ELP4: variants seen among roughly 807,000 people sequenced by gnomAD.
ELP4 encodes elongator acetyltransferase complex subunit 4.
ELP4 carries 51 observed loss-of-function variants against 48.9 expected under a neutral mutation model. The observed-to-expected ratio is 1.04, with a 90% CI of 0.83 to 1.32. The LOEUF (loss-of-function observed/expected upper bound fraction) is 1.32, where lower values mean the gene tolerates loss of function less well. ELP4 is among the 40% of genes most tolerant of loss of function. The probability of loss-of-function intolerance (pLI) is 0.00; values close to 1 mark genes in which losing one functional copy is unlikely to be tolerated. For synonymous variants in ELP4, 210 were observed against 189.2 expected (o/e 1.11, Z -0.90); for missense variants, 519 against 514.6 (o/e 1.01, Z -0.08).
chr11:31,771,253 G>A (rs1281671146), intron 9 of ELP4, among the ~76,000 whole-genome samples: 1 of 152,316 alleles, frequency 6.6e-6, no homozygotes, highest in East Asian at 1.9e-4. Context: ...TGTTTCTTCA[G>A]AATCAGAAGA....
chr11:31,694,223 A>G (rs546430944), intron 9 of ELP4, among the ~76,000 whole-genome samples: 13 of 152,320 alleles, frequency 8.5e-5, no homozygotes, highest in Admixed American at 2.6e-4. Flanking sequence ...TGTTTTAGAC[A>G]TGAAGTCCTT....
intron 9 of ELP4, among the ~76,000 whole-genome samples, chr11:31,702,744 G>C (rs1946552626): frequency 1.3e-5 from 2 of 152,014 alleles, no homozygotes; most frequent in Non-Finnish European, 2.9e-5. Flanking sequence ...AAAAATCTCT[G>C]AAAGTTTTTT....
intron 5 of ELP4, 128 bp from the exon 6 acceptor site, chr11:31,626,979 ACTG>A: frequency 1.8e-6 from 1 of 555,372 alleles, no homozygotes; most frequent in Admixed American, 3.0e-5. Flanking sequence ...ATTATATAAT[ACTG>A]TTTTGACATT....
intron 9 of ELP4, among the ~76,000 whole-genome samples, chr11:31,724,628 GTCTT>G (rs1947036935): frequency 6.6e-6 from 1 of 152,210 alleles, no homozygotes; most frequent in Non-Finnish European, 1.5e-5. Context: ...TTCTTCCACA[GTCTT>G]TCTTTCACTC....
chr11:31,710,471 A>C (rs1946717100), intron 9 of ELP4, among the ~76,000 whole-genome samples: 3 of 152,146 alleles, frequency 2.0e-5, no homozygotes, highest in Admixed American at 1.3e-4. Context: ...CTAAAAATAC[A>C]AAAATCAGCC....
At chr11:31,595,101 AT>A (rs1218490886) in intron 4 of ELP4, among the ~76,000 whole-genome samples, 200 bp downstream of exon 4, 1 of 152,118 alleles carries the variant, frequency 6.6e-6, no homozygotes, top group Non-Finnish European at 1.5e-5. Flanking sequence ...AGGTTGTTTC[AT>A]TTCTTCCATA....
intron 9 of ELP4, among the ~76,000 whole-genome samples, chr11:31,685,370 A>G (rs1382352355): frequency 6.6e-6 from 1 of 151,982 alleles, no homozygotes; most frequent in Non-Finnish European, 1.5e-5. Flanking sequence ...CAACAACAAA[A>G]TAGCAAAGGA....
intron 4 of ELP4, among the ~76,000 whole-genome samples, chr11:31,602,340 T>G (rs1434625459): frequency 1.3e-5 from 2 of 152,004 alleles, no homozygotes. Context: ...TTTTTAAGTT[T>G]GTACCCTATT....
At chr11:31,693,057 G>A (rs1444743205) in intron 9 of ELP4, among the ~76,000 whole-genome samples, 2 of 152,042 alleles carry the variant, frequency 1.3e-5, no homozygotes, top group African/African-American at 2.4e-5. Context: ...CACATGGCTC[G>A]TGCCCCATGT....
intron 9 of ELP4, among the ~76,000 whole-genome samples, chr11:31,667,954 T>C (rs1369069312): frequency 6.6e-6 from 1 of 152,202 alleles, no homozygotes; most frequent in African/African-American, 2.4e-5. Context: ...TTTTTTATTA[T>C]AGGGTGCATC....
At chr11:31,604,316 G>A (rs1232185) in intron 5 of ELP4, among the ~76,000 whole-genome samples, 37,706 of 151,046 alleles carry the variant, frequency 0.25, 5,226 homozygotes, top group Non-Finnish European at 0.32. Flanking sequence ...TTAATTTTTT[G>A]GCATATACTT....
intron 9 of ELP4, chr11:31,780,590 G>A (rs530325790): frequency 3.9e-4 from 59 of 152,248 alleles, no homozygotes; most frequent in African/African-American, 1.4e-3. Context: ...AGTCTCACAC[G>A]AATGATATTT....
chr11:31,788,589 T>C lies in ELP4; in HGVS notation c.*5065T>C, dbSNP rs908908131. 1.4e-5 allele frequency: 3 copies of C among 222,136 alleles called. No individual in the cohort carries two copies. The highest frequency in any genetic ancestry group is 4.5e-5 in the African/African-American group (2 of 44,732). 13.8% of individuals were successfully genotyped at this position (222,136 alleles called of 1,614,324 possible). A position where few individuals can be genotyped will look rare whatever the true frequency, so the allele number is the denominator to read the frequency against. On this transcript the variant is annotated 3_prime_UTR_variant, in exon 10 of 10. Transcript: ENST00000640961. ...GGCTGACAATGGAAATCTGCCCAGA[T>C]TGAAAATGCCAGTCCTAATTCAAAA...
At chr11:31,533,172 GT>G (rs1001680684) in intron 2 of ELP4, among the ~76,000 whole-genome samples, 5 of 151,978 alleles carry the variant, frequency 3.3e-5, no homozygotes, top group African/African-American at 1.2e-4. Context: ...CCAATAGGTA[GT>G]TTTTAAACCT....
At chr11:31,635,073 A>G (rs976991801) in intron 7 of ELP4, among the ~76,000 whole-genome samples, 1 of 151,994 alleles carries the variant, frequency 6.6e-6, no homozygotes, top group Non-Finnish European at 1.5e-5. Context: ...TTGTTTTTAT[A>G]TGAAAATGTT....
At chr11:31,743,097 A>G (rs1056255682) in intron 9 of ELP4, among the ~76,000 whole-genome samples, 24 of 152,212 alleles carry the variant, frequency 1.6e-4, no homozygotes, top group African/African-American at 5.3e-4. Context: ...CAGGGGTTGC[A>G]ATCCTACTCT....
At position 31,594,894 on chromosome 11, in the gene ELP4, A is replaced by G; in HGVS notation, c.506A>G (p.Lys169Arg). The G allele has an allele frequency of 5.1e-6, 8 of 1,554,036 alleles. No homozygotes were observed. The highest frequency in any genetic ancestry group is 6.9e-6 in the Non-Finnish European group (8 of 1,160,144). ...KIAWRYQLLPKMEIGPVSSSR... is the reference protein window; with the variant it reads ...KIAWRYQLLPRMEIGPVSSSR... ...GCTTGGCGTTACCAGTTATTACCCA[A>G]GATGGAGGCAAGTAAACATACAAAT... is the stretch of plus-strand genomic sequence containing the variant. Residue 169 changes from lysine (K) to arginine (R), a missense_variant, in exon 4 of 10, where the codon AAG (lysine) becomes AGG (arginine). Physicochemically the swap from Lys to Arg is conservative, Grantham distance 26. Coordinates refer to ENST00000640961, the MANE Select transcript of ELP4 (RefSeq NM_019040.5).
chr11:31,586,780 C>A (rs139499972), intron 3 of ELP4, among the ~76,000 whole-genome samples: 3,392 of 151,870 alleles, frequency 0.022, 49 homozygotes, highest in Middle Eastern at 0.061. Flanking sequence ...GTAGCTGGGA[C>A]TACAGGCACC....
At chr11:31,693,177 A>T (rs1946318628) in intron 9 of ELP4, among the ~76,000 whole-genome samples, 1 of 151,722 alleles carries the variant, frequency 6.6e-6, no homozygotes, top group Non-Finnish European at 1.5e-5. Context: ...TTATTATTAT[A>T]CTTTAAGTTC....
Sources: allele counts gnomAD v4.1 joint callset (sites outside exome capture counted in the v4.1 genomes callset), GRCh38; gene constraint gnomAD v4.1.1; transcripts MANE v1.5; gene names NCBI Gene and HGNC (gene_info 2026-07-23, HGNC 2026-07-21).